PRR5L: variants seen among roughly 807,000 people sequenced by gnomAD.
PRR5L encodes proline rich 5 like.
PRR5L carries 21 observed loss-of-function variants against 36.4 expected under a neutral mutation model. The observed-to-expected ratio is 0.58, with a 90% confidence interval of 0.41 to 0.83. The LOEUF (loss-of-function observed/expected upper bound fraction) is 0.83, where lower values mean the gene tolerates loss of function less well. Among genes scored for constraint, PRR5L ranks in the 40% least tolerant of loss-of-function variants. The probability of loss-of-function intolerance (pLI) is 0.00; values close to 1 mark genes in which losing one functional copy is unlikely to be tolerated. For missense variants in PRR5L, 381 were observed against 473.3 expected (o/e 0.80, Z 1.81); for synonymous variants, 188 against 197.0 (o/e 0.95, Z 0.38).
chr11:36,461,639 CA>C (rs1859184082), intron 8 of PRR5L, among the ~76,000 whole-genome samples: 2 of 151,864 alleles, frequency 1.3e-5, no homozygotes, highest in Admixed American at 1.3e-4. Flanking sequence ...AAACAAAAAG[CA>C]GCAGTTTTAT....
At chr11:36,306,415 C>T (rs1565375026) in intron 1 of PRR5L, among the ~76,000 whole-genome samples, 1 of 152,182 alleles carries the variant, frequency 6.6e-6, no homozygotes, top group Non-Finnish European at 1.5e-5. Flanking sequence ...GACATGAACT[C>T]ATCCTTTTTT....
At chr11:36,311,469 G>A (rs573011925) in intron 1 of PRR5L, among the ~76,000 whole-genome samples, 2 of 152,326 alleles carry the variant, frequency 1.3e-5, no homozygotes, top group South Asian at 4.1e-4. Context: ...GGTAGGCTAT[G>A]CTGGGTTGAA....
At chr11:36,296,845 TCTTG>T (rs1185426166) in intron 1 of PRR5L, among the ~76,000 whole-genome samples, 3 of 152,356 alleles carry the variant, frequency 2.0e-5, no homozygotes, top group Non-Finnish European at 2.9e-5. Flanking sequence ...TGCCTCAGAT[TCTTG>T]CTTCTTTCAA....
intron 1 of PRR5L, among the ~76,000 whole-genome samples, chr11:36,396,632 G>A (rs1208959386): frequency 1.3e-5 from 2 of 152,180 alleles, no homozygotes; most frequent in Non-Finnish European, 2.9e-5. Context: ...ACAGTTCTAA[G>A]TGCTTGACAA....
At chr11:36,324,478 T>C (rs151023237) in intron 1 of PRR5L, among the ~76,000 whole-genome samples, 3 of 152,296 alleles carry the variant, frequency 2.0e-5, no homozygotes, top group Non-Finnish European at 2.9e-5. Context: ...TCTGGGTGTG[T>C]ACATATGTAG....
At chr11:36,421,955 T>G in intron 4 of PRR5L, among the ~76,000 whole-genome samples, 1 of 152,356 alleles carries the variant, frequency 6.6e-6, no homozygotes, top group Non-Finnish European at 1.5e-5. Flanking sequence ...ATTATTTTGT[T>G]GGCATTGAGT....
At chr11:36,365,701 C>A (rs1857137749) in intron 1 of PRR5L, among the ~76,000 whole-genome samples, 1 of 152,142 alleles carries the variant, frequency 6.6e-6, no homozygotes, top group Non-Finnish European at 1.5e-5. Flanking sequence ...CTAAGCCAGA[C>A]TTCATCAATG....
chr11:36,412,758 G>A (rs374965880), intron 3 of PRR5L, among the ~76,000 whole-genome samples: 5 of 152,186 alleles, frequency 3.3e-5, no homozygotes, highest in Admixed American at 1.3e-4. Flanking sequence ...CATCTTTTGG[G>A]TAAGATGAAC....
rs117163420 is a variant in PRR5L, at chr11:36,405,977, G to A, written c.245+2599G>A. 2.6e-4 allele frequency among the ~76,000 whole-genome samples: 39 copies of A among 152,242 alleles called. No homozygotes were observed. In the East Asian group the frequency reaches 7.5e-3, roughly 29 times the overall value. ...CCCATCTCCAAATCCCATCAAATTG[G>A]GGGTTAAGGCTTTGACATATAAATT... On this transcript the variant is annotated intron_variant, in intron 3 of 8. Transcript: ENST00000530639.
intron 1 of PRR5L, among the ~76,000 whole-genome samples, chr11:36,323,012 A>G (rs1426312173): frequency 1.3e-5 from 2 of 152,172 alleles, no homozygotes; most frequent in African/African-American, 4.8e-5. Flanking sequence ...TCTTCTCTAG[A>G]GCATATCCCT....
intron 1 of PRR5L, among the ~76,000 whole-genome samples, chr11:36,385,305 C>G (rs930723705): frequency 3.3e-5 from 5 of 152,306 alleles, no homozygotes; most frequent in Non-Finnish European, 7.3e-5. Context: ...CTCCAAGAAA[C>G]TTGATACTTA....
intron 7 of PRR5L, among the ~76,000 whole-genome samples, chr11:36,447,695 T>A (rs989788136): frequency 1.3e-5 from 2 of 152,206 alleles, no homozygotes; most frequent in Non-Finnish European, 2.9e-5. Context: ...ATCCCCCAGC[T>A]GGTGCTCTCT....
intron 4 of PRR5L, among the ~76,000 whole-genome samples, chr11:36,421,870 C>T (rs139402797): frequency 1.6e-4 from 24 of 152,260 alleles, no homozygotes; most frequent in African/African-American, 3.4e-4. Context: ...AAATCTCCCT[C>T]GTTTGAAGAA....
chr11:36,348,953 A>T (rs1234582322), intron 1 of PRR5L, among the ~76,000 whole-genome samples: 3 of 152,144 alleles, frequency 2.0e-5, no homozygotes. Context: ...TTCAGGGTAC[A>T]TTTGATGTAA....
rs1378228863 is a variant in PRR5L, at chr11:36,463,335, T to C, written c.*599T>C. On this transcript the variant is annotated 3_prime_UTR_variant, in exon 9 of 9. Transcript: ENST00000530639. ...GTTACCCCACTGGTGGGTGAGGATCTATCCTCAACCTACATCCAGATCCTA... is the reference window on the plus strand; with the variant it reads ...GTTACCCCACTGGTGGGTGAGGATCCATCCTCAACCTACATCCAGATCCTA... 1.3e-5 allele frequency: 2 copies of C among 152,286 alleles called. No individual in the cohort carries two copies. Among genetic ancestry groups the C allele is most frequent in the Non-Finnish European group, 2.9e-5 (2 of 68,086 alleles). The allele number at this position is 152,286 out of a possible 1,614,324, so 9.4% of individuals were successfully genotyped here. A position where few individuals can be genotyped will look rare whatever the true frequency, so the allele number is the denominator to read the frequency against.
rs1389833600 is a variant in PRR5L at position 36,431,880 on chromosome 11, T to C, written c.322T>C (p.Phe108Leu). ...QNQLLAKGLF[F>L]VEEKIKLCEG... Reference sequence around the variant, plus strand: ...CCAGCTTCTTGCAAAAGGACTGTTCTTTGTGGAGGAGAAGATCAAGCTGTG... The same window carrying C: ...CCAGCTTCTTGCAAAAGGACTGTTCCTTGTGGAGGAGAAGATCAAGCTGTG... Residue 108 changes from phenylalanine (F) to leucine (L), a missense_variant, in exon 5 of 9, where the codon TTT becomes CTT. Coordinates refer to ENST00000530639, the MANE Select transcript of PRR5L (RefSeq NM_001160167.2). 3 of 1,614,146 alleles carry C rather than the reference T, an allele frequency of 1.9e-6. No homozygotes were observed. Among genetic ancestry groups the C allele is most frequent in the Non-Finnish European group, 2.5e-6 (3 of 1,179,994 alleles).
Position 36,437,434 on chromosome 11 carries a change from T to C in PRR5L, c.402T>C (p.Thr134=), listed in dbSNP as rs1590590110. 1.2e-6 allele frequency: 2 copies of C among 1,612,986 alleles called. No individual in the cohort carries two copies. Among genetic ancestry groups the C allele is most frequent in the African/African-American group, 1.3e-5 (1 of 75,032 alleles). Residue 134 remains threonine (T), a synonymous_variant, in exon 6 of 9, where the codon ACT becomes ACC. Transcript: ENST00000530639. ...VLAEVWDHFF[T]ETLPTLQAIF... ...CTGAAGTCTGGGACCACTTCTTCAC[T>C]GAGACTCTCCCTACCCTGCAGGCAA...
At chr11:36,402,288 G>T (rs1031624538) in intron 2 of PRR5L, among the ~76,000 whole-genome samples, 6 of 152,148 alleles carry the variant, frequency 3.9e-5, no homozygotes, top group African/African-American at 1.4e-4. Context: ...CTGTTACCCA[G>T]GCTGGAGTGC....
At chr11:36,409,917 C>A (rs1199044443) in intron 3 of PRR5L, among the ~76,000 whole-genome samples, 3 of 152,198 alleles carry the variant, frequency 2.0e-5, no homozygotes, top group African/African-American at 7.2e-5. Flanking sequence ...CATGCTTAAA[C>A]CCTTAGTAAG....
Sources: gnomAD v4.1 joint callset for allele counts (sites outside exome capture counted in the v4.1 genomes callset) on GRCh38, gnomAD v4.1.1 for gene constraint, MANE v1.5 for transcripts, NCBI Gene and HGNC (gene_info 2026-07-23, HGNC 2026-07-21) for gene names.